Variants in KCNMB2 observed in about 807,000 individuals in gnomAD.
KCNMB2 encodes the protein potassium calcium-activated channel subfamily M regulatory beta subunit 2.
A neutral mutation model predicts 24.5 loss-of-function variants in KCNMB2; 9 were observed. That is an observed-to-expected ratio of 0.37 (90% CI 0.22 to 0.64). KCNMB2 has a LOEUF of 0.64. Ranked by LOEUF, KCNMB2 falls within the 30% of genes least tolerant of loss-of-function variation. The pLI, the probability that KCNMB2 is intolerant of heterozygous loss-of-function variation, is 0.63. For synonymous variants in KCNMB2, 109 were observed against 104.4 expected (o/e 1.04, Z -0.27); for missense variants, 226 against 284.3 (o/e 0.79, Z 1.47).
intron 1 of KCNMB2, among the ~76,000 whole-genome samples, chr3:178,593,048 G>A (rs7636991): frequency 0.11 from 17,385 of 151,956 alleles, 1,161 homozygotes; most frequent in Middle Eastern, 0.24. Flanking sequence ...AGGGGGCTCT[G>A]GTGTTGGGGA....
At chr3:178,602,216 G>A (rs560670103) in intron 1 of KCNMB2, among the ~76,000 whole-genome samples, 4,697 of 126,478 alleles carry the variant, frequency 0.037, 260 homozygotes, top group African/African-American at 0.12. Flanking sequence ...CGCCAATCTA[G>A]GGTAACTAAC....
intron 1 of KCNMB2, among the ~76,000 whole-genome samples, chr3:178,573,333 A>C (rs73054306): frequency 1.3e-5 from 2 of 152,150 alleles, no homozygotes; most frequent in Admixed American, 1.3e-4. Context: ...TAACAACTCC[A>C]AAAGTTTATG....
At position 178,825,615 on chromosome 3, in the gene KCNMB2, T is replaced by A. The variant is rs750186029; in HGVS notation, c.84T>A (p.His28Gln). 2.5e-6 allele frequency: 4 copies of A among 1,613,716 alleles called. No homozygotes were observed. In the South Asian group the frequency reaches 4.4e-5, roughly 18 times the overall value. Residue 28 changes from histidine to glutamine, a missense_variant, in exon 3 of 5, where the codon CAT becomes CAA. Coordinates refer to ENST00000452583, the MANE Select transcript of KCNMB2 (RefSeq NM_181361.3). Reference sequence around the variant, plus strand: ...ATATTTACCAGAAAATCAGGGACCATGACCTCCTGGACAAAAGGAAAACAG... The same window carrying A: ...ATATTTACCAGAAAATCAGGGACCAAGACCTCCTGGACAAAAGGAAAACAG... Reference protein sequence around the residue: ...KRNIYQKIRDHDLLDKRKTVT... With the variant: ...KRNIYQKIRDQDLLDKRKTVT...
At chr3:178,655,977 T>C (rs936940196) in intron 1 of KCNMB2, among the ~76,000 whole-genome samples, 8 of 152,186 alleles carry the variant, frequency 5.3e-5, no homozygotes, top group Non-Finnish European at 7.4e-5. Flanking sequence ...GACTCATGTA[T>C]TCTCCATAAA....
intron 1 of KCNMB2, among the ~76,000 whole-genome samples, chr3:178,591,838 A>G (rs549407814): frequency 6.6e-6 from 1 of 152,260 alleles, no homozygotes; most frequent in African/African-American, 2.4e-5. Flanking sequence ...CGGTCAGTCC[A>G]CAGGTTGAAA....
At chr3:178,698,591 T>G (rs1408845216) in intron 1 of KCNMB2, among the ~76,000 whole-genome samples, 1 of 152,214 alleles carries the variant, frequency 6.6e-6, no homozygotes, top group East Asian at 1.9e-4. Context: ...TTCTTTCCTA[T>G]CTATATACCG....
At chr3:178,546,093 A>T (rs964770743) in intron 1 of KCNMB2, among the ~76,000 whole-genome samples, 1 of 152,226 alleles carries the variant, frequency 6.6e-6, no homozygotes, top group African/African-American at 2.4e-5. Flanking sequence ...AAAAGTTGAC[A>T]GAGAAATAAA....
chr3:178,706,931 C>G (rs7618701), intron 1 of KCNMB2, among the ~76,000 whole-genome samples: 15,796 of 152,186 alleles, frequency 0.1, 978 homozygotes, highest in Middle Eastern at 0.23. Flanking sequence ...ATGGGTGCAG[C>G]AAACCACCAT....
chr3:178,837,689 A>G lies in KCNMB2; in HGVS notation c.424-4964A>G, dbSNP rs74701184. Among the ~76,000 whole-genome samples, 33 of 152,176 alleles carry G rather than the reference A, an allele frequency of 2.2e-4. No individual in the cohort carries two copies. In the East Asian group the frequency reaches 6.0e-3, roughly 28 times the overall value. On this transcript the variant is annotated intron_variant, in intron 4 of 4. Transcript: ENST00000452583. ...GTACCATTGGCCCTGAGGTCCCACA[A>G]TCAATCAAGTATGGACCATGCCTCA... is the stretch of plus-strand genomic sequence containing the variant.
At chr3:178,773,193 C>A (rs1241051383) in intron 1 of KCNMB2, among the ~76,000 whole-genome samples, 5 of 152,122 alleles carry the variant, frequency 3.3e-5, no homozygotes, top group African/African-American at 1.2e-4. Context: ...AAAGGCCTAT[C>A]GTCCTCCCTT....
chr3:178,780,688 C>T (rs572951644), intron 1 of KCNMB2, among the ~76,000 whole-genome samples: 14 of 152,224 alleles, frequency 9.2e-5, no homozygotes, highest in South Asian at 2.1e-4. Flanking sequence ...GTTTGAATCC[C>T]GTATCTACTA....
chr3:178,550,221 C>G (rs183891709), intron 1 of KCNMB2, among the ~76,000 whole-genome samples: 2 of 151,370 alleles, frequency 1.3e-5, no homozygotes, highest in African/African-American at 4.9e-5. Flanking sequence ...GAGGCCGAGG[C>G]GGGCGGATCA....
chr3:178,621,629 C>A (rs1718924129), intron 1 of KCNMB2, among the ~76,000 whole-genome samples: 1 of 151,986 alleles, frequency 6.6e-6, no homozygotes. Context: ...TTTTCCATTG[C>A]ACTTATTATA....
At chr3:178,830,902 G>C (rs1371637776) in intron 4 of KCNMB2, among the ~76,000 whole-genome samples, 5 of 152,092 alleles carry the variant, frequency 3.3e-5, no homozygotes, top group African/African-American at 4.8e-5. Flanking sequence ...TTCAGTGGAA[G>C]AAACTTCTAA....
chr3:178,614,210 C>T (rs1463248582), intron 1 of KCNMB2, among the ~76,000 whole-genome samples: 1 of 128,528 alleles, frequency 7.8e-6, no homozygotes, highest in East Asian at 2.4e-4. Context: ...CCTGTTTTCA[C>T]ACTGCTGATA....
chr3:178,627,520 C>T (rs987265618), intron 1 of KCNMB2, among the ~76,000 whole-genome samples: 8 of 152,186 alleles, frequency 5.3e-5, no homozygotes, highest in African/African-American at 1.2e-4. Context: ...AATGATATCT[C>T]ATTTTGACTC....
chr3:178,754,232 A>G (rs1046224309), intron 1 of KCNMB2, among the ~76,000 whole-genome samples: 5 of 147,698 alleles, frequency 3.4e-5, no homozygotes, highest in Admixed American at 1.4e-4. Context: ...TTATTCATTC[A>G]TCTACTGATG....
chr3:178,593,588 T>C (rs1717757999), intron 1 of KCNMB2, among the ~76,000 whole-genome samples: 2 of 152,050 alleles, frequency 1.3e-5, no homozygotes, highest in Admixed American at 6.6e-5. Flanking sequence ...TTTTATTCTA[T>C]TGATTTTGAC....
chr3:178,793,589 T>C (rs1176135874), intron 1 of KCNMB2, among the ~76,000 whole-genome samples: 1 of 151,946 alleles, frequency 6.6e-6, no homozygotes, highest in Non-Finnish European at 1.5e-5. Flanking sequence ...GTTGTGGTAC[T>C]GCAAGGTTGA....
Sources: gnomAD v4.1 joint callset for allele counts (sites outside exome capture counted in the v4.1 genomes callset) on GRCh38, gnomAD v4.1.1 for gene constraint, MANE v1.5 for transcripts, NCBI Gene and HGNC (gene_info 2026-07-23, HGNC 2026-07-21) for gene names.